The following MRPL3 variants were observed in gnomAD, a reference collection of about 807,000 sequenced individuals.
The protein encoded by MRPL3 is mitochondrial ribosomal protein L3.
In MRPL3, 43 loss-of-function variants were observed where a neutral mutation model predicts 44.3. The observed-to-expected ratio is 0.97, with a 90% confidence interval of 0.76 to 1.25. MRPL3 has a LOEUF of 1.25. Ranked by LOEUF, MRPL3 falls within the 50% of genes most tolerant of loss-of-function variation. The pLI is 0.00. For missense variants in MRPL3, 406 were observed against 427.6 expected (o/e 0.95, Z 0.45); for synonymous variants, 171 against 152.3 (o/e 1.12, Z -0.91).
intron 6 of MRPL3, among the ~76,000 whole-genome samples, chr3:131,484,540 C>T (rs542810679): frequency 1.3e-4 from 19 of 151,826 alleles, no homozygotes; most frequent in South Asian, 8.4e-4. Context: ...CCGAAAAGTT[C>T]CAAAATGCAT....
In MRPL3 at chr3:131,498,212, C is replaced by G; in HGVS notation, c.435G>C (p.Leu145=). The change falls in exon 4 of 10, where the codon CTG becomes CTC. Residue 145 remains leucine, a synonymous_variant. Transcript: ENST00000264995. ...KENCNGKMAT[L]SVGGKTVSRF... ...GTGATACAGTTTTTCCTCCTACAGA[C>G]AGGGTTGCCATTTTTCCATTACAGT... 9 of 1,611,642 alleles carry G rather than the reference C, an allele frequency of 5.6e-6. No individual in the cohort carries two copies. Among genetic ancestry groups the G allele is most frequent in the Non-Finnish European group, 7.6e-6 (9 of 1,177,842 alleles).
At chr3:131,490,428 C>T (rs1053283264) in intron 4 of MRPL3, among the ~76,000 whole-genome samples, 3 of 152,130 alleles carry the variant, frequency 2.0e-5, no homozygotes, top group African/African-American at 7.2e-5. Context: ...CCCGAAAAAT[C>T]AACTCTGCCT....
intron 6 of MRPL3, chr3:131,479,053 A>G (rs759834748): frequency 2.1e-6 from 1 of 472,032 alleles, no homozygotes; most frequent in East Asian, 5.7e-5. Flanking sequence ...GAGGTTTTTC[A>G]ATTAGAACCA....
At chr3:131,488,666 T>C in intron 5 of MRPL3, 1 of 152,098 alleles carries the variant, frequency 6.6e-6, no homozygotes, top group East Asian at 1.9e-4. Flanking sequence ...GAAACCACTG[T>C]AGTAGAGAAT....
chr3:131,469,810 T>A, intron 7 of MRPL3, 37 bp from the exon 8 acceptor site: 1 of 1,390,966 alleles, frequency 7.2e-7, no homozygotes, highest in Non-Finnish European at 1.0e-6. Flanking sequence ...TTTTAAGTAC[T>A]ATCAATTTTA....
chr3:131,495,271 C>T (rs889562106), intron 4 of MRPL3, among the ~76,000 whole-genome samples: 42 of 151,976 alleles, frequency 2.8e-4, no homozygotes, highest in Non-Finnish European at 5.0e-4. Flanking sequence ...AGTCTGGATA[C>T]TTTTAGTTTC....
At chr3:131,499,556 T>A (rs1185471733) in intron 3 of MRPL3, among the ~76,000 whole-genome samples, 1 of 152,218 alleles carries the variant, frequency 6.6e-6, no homozygotes, top group Non-Finnish European at 1.5e-5. Flanking sequence ...GAGCCAATAA[T>A]AATTTGCAAA....
chr3:131,479,209 T>C (rs1303798013), intron 6 of MRPL3: 1 of 518,458 alleles, frequency 1.9e-6, no homozygotes, highest in Admixed American at 1.9e-5. Flanking sequence ...ATGAGCACAG[T>C]CAGGCAAGGT....
chr3:131,468,060 AAG>A (rs765679110), intron 9 of MRPL3, 29 bp downstream of exon 9: 4 of 1,234,140 alleles, frequency 3.2e-6, no homozygotes, highest in East Asian at 2.6e-5. Context: ...AAAAAAAAAA[AAG>A]GAAAAAAAAA....
At position 131,502,792 on chromosome 3, in the gene MRPL3, G is replaced by C; in HGVS notation, c.30C>G (p.Val10=). MPGWRLLTQ[V]GAQVLGRLGD... ...CGAGTCGACCCAGCACCTGGGCGCC[G>C]ACCTGCGTCAGCAGCCTCCAACCCG... Residue 10 remains valine (V), a synonymous_variant, in exon 1 of 10, where the codon GTC becomes GTG. Coordinates refer to ENST00000264995, the MANE Select transcript of MRPL3 (RefSeq NM_007208.4). 6.2e-7 allele frequency: 1 copy of C among 1,612,438 alleles called. No individual in the cohort carries two copies. Among genetic ancestry groups the C allele is most frequent in the Non-Finnish European group, 8.5e-7 (1 of 1,179,416 alleles).
rs149555977 is a variant in MRPL3, at chr3:131,485,297, A to G, written c.629+2383T>C. ...ATAGGCATTTGAAAAGCTAGACTCT[A>G]ATCCAAGTTAGTCACAAGTCCAGCC... On this transcript the variant is annotated intron_variant, in intron 6 of 9. Coordinates refer to ENST00000264995, the MANE Select transcript of MRPL3 (RefSeq NM_007208.4). Among the ~76,000 whole-genome samples the G allele has an allele frequency of 1.6e-3, 243 of 152,314 alleles. 1 individual carries two copies. Among genetic ancestry groups the G allele is most frequent in the African/African-American group, 5.3e-3 (221 of 41,566 alleles).
rs71133698 is a variant in MRPL3 at position 131,498,701 on chromosome 3, C to CAA, written c.370-426_370-425dup. 4.4e-3 allele frequency among the ~76,000 whole-genome samples: 362 copies of CAA among 81,370 alleles called. 1 individual carries two copies. The highest frequency in any genetic ancestry group is 0.021 in the Admixed American group (138 of 6,588). The allele number at this position is 81,370 out of a possible 152,430, so 53.4% of individuals were successfully genotyped here. ...TGGGGGACAGAGCAAGACTCCGTCT[C>CAA]AAAAAAAAAAAAAAAAAAAAAGATT... On this transcript the variant is annotated intron_variant, in intron 3 of 9. Coordinates refer to ENST00000264995, the MANE Select transcript of MRPL3 (RefSeq NM_007208.4).
chr3:131,501,784 G>T (rs767828497), intron 1 of MRPL3, 69 bp from the exon 2 acceptor site: 1 of 1,589,612 alleles, frequency 6.3e-7, no homozygotes, highest in Non-Finnish European at 8.6e-7. Context: ...TATAGAAAAG[G>T]GAAGTCACAA....
At chr3:131,469,375 A>G (rs183019882) in intron 8 of MRPL3, among the ~76,000 whole-genome samples, 1 of 152,244 alleles carries the variant, frequency 6.6e-6, no homozygotes, top group East Asian at 1.9e-4. Flanking sequence ...AGAGTATTAT[A>G]CTGAATGCTC....
intron 8 of MRPL3, among the ~76,000 whole-genome samples, 155 bp downstream of exon 8, chr3:131,469,541 C>CA (rs1559813577): frequency 6.6e-6 from 1 of 151,936 alleles, no homozygotes; most frequent in African/African-American, 2.4e-5. Context: ...TGTACACACA[C>CA]ACACACACAC....
intron 6 of MRPL3, among the ~76,000 whole-genome samples, chr3:131,478,765 G>A (rs1331353642): frequency 6.9e-6 from 1 of 145,700 alleles, no homozygotes; most frequent in African/African-American, 2.6e-5. Flanking sequence ...CTGGAGTATA[G>A]CGGTGTGATC....
At chr3:131,469,550 AC>A in intron 8 of MRPL3, 145 bp downstream of exon 8, 1 of 575,858 alleles carries the variant, frequency 1.7e-6, no homozygotes. Context: ...ACACACACAC[AC>A]ACACACAATT....
At chr3:131,477,339 C>A (rs1933875600) in intron 6 of MRPL3, among the ~76,000 whole-genome samples, 2 of 152,160 alleles carry the variant, frequency 1.3e-5, no homozygotes, top group African/African-American at 4.8e-5. Flanking sequence ...CTCCTACCTT[C>A]TTTTCCCTTC....
At chr3:131,465,032 A>G (rs1322318807) in intron 9 of MRPL3, among the ~76,000 whole-genome samples, 3 of 152,372 alleles carry the variant, frequency 2.0e-5, no homozygotes, top group Middle Eastern at 3.4e-3. Context: ...TCATACCTTA[A>G]TTAATGCCTG....
Sources: gnomAD v4.1 joint callset for allele counts (sites outside exome capture counted in the v4.1 genomes callset) on GRCh38, gnomAD v4.1.1 for gene constraint, MANE v1.5 for transcripts, NCBI Gene and HGNC (gene_info 2026-07-23, HGNC 2026-07-21) for gene names.